Variants in CELF2 observed in about 807,000 individuals in gnomAD.
The protein encoded by CELF2 is CUG triplet repeat RNA-binding protein 2.
Under a neutral mutation model 62.6 loss-of-function variants are expected in CELF2, and 8 were observed. The observed-to-expected ratio is 0.13, with a 90% CI of 0.07 to 0.23. The LOEUF is 0.23. Among genes scored for constraint, CELF2 ranks in the 10% least tolerant of loss-of-function variants. The pLI is 1.00. For synonymous variants in CELF2, 258 were observed against 250.0 expected, an observed-to-expected ratio of 1.03 and a Z score of -0.30; for missense variants, 333 against 671.0, an observed-to-expected ratio of 0.50 and a Z score of 5.56.
intron 8 of CELF2, among the ~76,000 whole-genome samples, chr10:11,287,872 A>C (rs1025725181): frequency 2.6e-5 from 4 of 152,254 alleles, no homozygotes; most frequent in Non-Finnish European, 5.9e-5. Context: ...CTGTCAAGAA[A>C]TAGATTAACA....
At chr10:10,823,593 T>C (rs1443569354) in intron 1 of CELF2, among the ~76,000 whole-genome samples, 1 of 150,688 alleles carries the variant, frequency 6.6e-6, no homozygotes, top group Non-Finnish European at 1.5e-5. Flanking sequence ...CAAAAAAAAA[T>C]AGAATGGCTG....
the CELF2 span, among the ~76,000 whole-genome samples, chr10:10,464,976 A>G: frequency 1.3e-5 from 2 of 152,142 alleles, no homozygotes; most frequent in African/African-American, 2.4e-5. Flanking sequence ...TTTCTTAACA[A>G]TAGTTCTGCA....
chr10:11,115,667 C>T (rs1329258222), intron 1 of CELF2, among the ~76,000 whole-genome samples: 1 of 152,122 alleles, frequency 6.6e-6, no homozygotes, highest in Non-Finnish European at 1.5e-5. Flanking sequence ...CAAAGCTACT[C>T]AAAAAGTCAC....
intron 1 of CELF2, among the ~76,000 whole-genome samples, chr10:10,880,598 T>A (rs1314370882): frequency 6.6e-6 from 1 of 152,070 alleles, no homozygotes; most frequent in Non-Finnish European, 1.5e-5. Context: ...ATGTTGAGCA[T>A]ATGGATTTTA....
At chr10:10,952,139 C>A (rs1221429285) in intron 2 of CELF2, 3 of 152,220 alleles carry the variant, frequency 2.0e-5, no homozygotes, top group Non-Finnish European at 4.4e-5. Context: ...GGCGTATCTT[C>A]AGATCTTTTC....
Position 11,314,389 on chromosome 10 carries a change from G to C in CELF2, c.1096+131G>C. 8.1e-7 allele frequency: 1 copy of C among 1,240,442 alleles called. No homozygotes were observed. Among genetic ancestry groups the C allele is most frequent in the Non-Finnish European group, 1.2e-6 (1 of 855,632 alleles). The allele number at this position is 1,240,442 out of a possible 1,614,324, so 76.8% of individuals were successfully genotyped here. On this transcript the variant is annotated intron_variant, in intron 10 of 12. Coordinates refer to ENST00000633077, the MANE Select transcript of CELF2 (RefSeq NM_001326342.2). This position sits in a 1 kb window ranked among gnomAD's most constrained non-coding sequence, Gnocchi z 5.3. ...GAGAACTAAAACTTGGGATGGAGGA[G>C]CACATGCTTTGATAGGCAAAAGCTG...
rs1470502670 is a variant in CELF2, at chr10:11,207,499, G to A, written c.272-9926G>A. ...CATTGTTCCCTCCCGGGCTGAAAAG[G>A]TGGCTCAGATTTGCTGTCTGCGAGG... On this transcript the variant is annotated intron_variant, in intron 2 of 12. Transcript: ENST00000633077. This position sits in a 1 kb window ranked among gnomAD's most constrained non-coding sequence, Gnocchi z 4.1. Among the ~76,000 whole-genome samples the A allele has an allele frequency of 1.3e-5, 2 of 152,222 alleles. No individual in the cohort carries two copies. The highest frequency in any genetic ancestry group is 2.9e-5 in the Non-Finnish European group (2 of 68,038).
the CELF2 span, among the ~76,000 whole-genome samples, chr10:10,739,966 TG>T: frequency 1.3e-5 from 2 of 152,168 alleles, no homozygotes; most frequent in African/African-American, 4.8e-5. Context: ...ATTTGTTGTT[TG>T]TTTATTTGCT....
the CELF2 span, among the ~76,000 whole-genome samples, chr10:10,577,364 T>TTTATTATTATTATTATTATTATTA: frequency 7.1e-6 from 1 of 141,404 alleles, no homozygotes; most frequent in Non-Finnish European, 1.5e-5. Flanking sequence ...AACAAATCTT[T>TTTATTATTATTATTATTATTATTA]TTATTATTAT....
the CELF2 span, among the ~76,000 whole-genome samples, chr10:10,742,993 C>T: frequency 6.6e-6 from 1 of 152,208 alleles, no homozygotes; most frequent in Non-Finnish European, 1.5e-5. Context: ...CCTGGTATCT[C>T]ATTGCTACAT....
chr10:10,997,524 G>GAA lies in CELF2; in HGVS notation c.89+77527_89+77528dup, dbSNP rs1463540816. On this transcript the variant is annotated intron_variant, in intron 2 of 13. Coordinates refer to the CELF2 transcript ENST00000636488. This position sits in a 1 kb window ranked among gnomAD's most constrained non-coding sequence, Gnocchi z 5.3. ...GATTCCCTAGAATCAAAACCACTAG[G>GAA]AAAGGAAGATCCCCAAGTGCACCAA... 1.3e-5 allele frequency among the ~76,000 whole-genome samples: 2 copies of GAA among 152,150 alleles called. No individual in the cohort carries two copies.
At chr10:10,678,207 A>T in the CELF2 span, among the ~76,000 whole-genome samples, 3 of 152,084 alleles carry the variant, frequency 2.0e-5, no homozygotes, top group African/African-American at 4.8e-5. Flanking sequence ...AATTATTTCC[A>T]AATTGTGTTT....
the CELF2 span, among the ~76,000 whole-genome samples, chr10:10,485,352 T>C: frequency 1.3e-5 from 2 of 152,226 alleles, no homozygotes; most frequent in African/African-American, 4.8e-5. Context: ...TACTCATTTT[T>C]ATTTTAGCAT....
At chr10:10,684,755 C>A in the CELF2 span, among the ~76,000 whole-genome samples, 2 of 152,070 alleles carry the variant, frequency 1.3e-5, no homozygotes, top group Non-Finnish European at 2.9e-5. Flanking sequence ...ACAACAACAA[C>A]AAAAAATTGC....
At chr10:10,751,581 AG>A in the CELF2 span, among the ~76,000 whole-genome samples, 5 of 152,124 alleles carry the variant, frequency 3.3e-5, no homozygotes, top group South Asian at 1.0e-3. Context: ...CATGCTGATG[AG>A]GCAGGGCACT....
chr10:10,635,971 C>T, the CELF2 span, among the ~76,000 whole-genome samples: 1 of 152,144 alleles, frequency 6.6e-6, no homozygotes, highest in East Asian at 1.9e-4. Flanking sequence ...TTCCCTGAAC[C>T]CATTTGGTTC....
chr10:10,851,862 A>G (rs1445804074), intron 1 of CELF2, among the ~76,000 whole-genome samples: 2 of 152,238 alleles, frequency 1.3e-5, no homozygotes, highest in African/African-American at 2.4e-5. Context: ...TCCTAACAGC[A>G]TAAGTCATTA....
chr10:10,644,402 C>CGTGTGTGT, the CELF2 span, among the ~76,000 whole-genome samples: 569 of 149,966 alleles, frequency 3.8e-3, 7 homozygotes, highest in South Asian at 0.035. Context: ...AGTGTGTGTT[C>CGTGTGTGT]GTGTGTGTGT....
intron 1 of CELF2, among the ~76,000 whole-genome samples, chr10:10,803,359 TC>T (rs2054866365): frequency 6.6e-6 from 1 of 152,170 alleles, no homozygotes; most frequent in South Asian, 2.1e-4. Flanking sequence ...CCTCCCTCTC[TC>T]CCCACAGCTC....
Sources: gnomAD v4.1 joint callset for allele counts (sites outside exome capture counted in the v4.1 genomes callset) on GRCh38, gnomAD v4.1.1 for gene constraint, Gnocchi (gnomAD v3.1) non-coding constraint, MANE v1.5 for transcripts, NCBI Gene and HGNC (gene_info 2026-07-23, HGNC 2026-07-21) for gene names.